PAX8: variants seen among roughly 807,000 people sequenced by gnomAD.
PAX8 encodes paired box protein Pax-8.
PAX8 carries 15 observed loss-of-function variants against 52.4 expected under a neutral mutation model. The observed-to-expected ratio is 0.29, with a 90% confidence interval of 0.19 to 0.44. The LOEUF (loss-of-function observed/expected upper bound fraction) is 0.44. Ranked by LOEUF, PAX8 falls within the 20% of genes least tolerant of loss-of-function variation. The probability of loss-of-function intolerance (pLI) is 1.00; values close to 1 mark genes in which losing one functional copy is unlikely to be tolerated. For synonymous variants in PAX8, 284 were observed against 249.7 expected (o/e 1.14, Z -1.29); for missense variants, 554 against 602.5 (o/e 0.92, Z 0.84).
At chr2:113,242,447 G>A (rs952231957) in intron 5 of PAX8, among the ~76,000 whole-genome samples, 1 of 152,126 alleles carries the variant, frequency 6.6e-6, no homozygotes, top group Admixed American at 6.5e-5. Flanking sequence ...CTGGTGGGAG[G>A]GATTCTTGGA....
chr2:113,278,338 G>T, intron 2 of PAX8, 32 bp downstream of exon 2: 1 of 1,505,894 alleles, frequency 6.6e-7, no homozygotes, highest in Non-Finnish European at 9.2e-7. Context: ...CGGCGCGGGG[G>T]CTCGGGGATC....
At chr2:113,270,616 AAC>A (rs1693403229) in intron 2 of PAX8, 1 of 152,222 alleles carries the variant, frequency 6.6e-6, no homozygotes, top group Admixed American at 6.5e-5. Context: ...TCAAAACTGC[AAC>A]ACACAGAGGG....
At chr2:113,223,751 T>C (rs1689389231) in intron 10 of PAX8, among the ~76,000 whole-genome samples, 1 of 152,266 alleles carries the variant, frequency 6.6e-6, no homozygotes, top group Non-Finnish European at 1.5e-5. Context: ...ATTATGTTCA[T>C]TCATTGACTT....
rs1418319799 is a variant in PAX8 at position 113,252,833 on chromosome 2, C to CA, written c.26-5915dup. On this transcript the variant is annotated intron_variant, in intron 2 of 11. Transcript: ENST00000429538. ...ATACCAGGTCCTTCCCCTAAACGTACAAATGGAATTAAATTAATCTATGTT... is the reference window on the plus strand; with the variant it reads ...ATACCAGGTCCTTCCCCTAAACGTACAAAATGGAATTAAATTAATCTATGTT... 2.8e-4 allele frequency among the ~76,000 whole-genome samples: 43 copies of CA among 152,130 alleles called. 1 individual carries two copies. The highest frequency in any genetic ancestry group is 2.9e-5 in the Non-Finnish European group (2 of 68,028).
chr2:113,244,329 C>T, intron 4 of PAX8, 98 bp downstream of exon 4: 1 of 928,256 alleles, frequency 1.1e-6, no homozygotes, highest in Admixed American at 1.7e-5. Context: ...CCCTTCCCGG[C>T]CTCTGCTCCA....
Position 113,278,408 on chromosome 2 carries a change from C to T in PAX8, c.-14G>A, listed in dbSNP as rs1451794643. On this transcript the variant is annotated 5_prime_UTR_variant, in exon 2 of 12. Transcript: ENST00000429538. The stretch of plus-strand genomic sequence containing the variant: ...GTTGTGAGGCATCGCCGGGGAGTCG[C>T]TCGCAGCCCGCCGAGGGCTCGGGGC... The T allele has an allele frequency of 1.9e-6, 3 of 1,610,734 alleles. No homozygotes were observed. The highest frequency in any genetic ancestry group is 1.7e-5 in the Admixed American group (1 of 59,964).
At position 113,235,586 on chromosome 2, in the gene PAX8, C is replaced by T; in HGVS notation, c.899-4G>A. On this transcript the variant is annotated splice_polypyrimidine_tract_variant and splice_region_variant and intron_variant, in intron 8 of 11. Transcript: ENST00000429538. ...ATGGCGAAGGGTGAGTGAGGATCTGCCGGAGGGAGGGAGACAACAAGGAGA... is the reference window on the plus strand; with the variant it reads ...ATGGCGAAGGGTGAGTGAGGATCTGTCGGAGGGAGGGAGACAACAAGGAGA... 6.2e-7 allele frequency: 1 copy of T among 1,605,008 alleles called. No homozygotes were observed. Among genetic ancestry groups the T allele is most frequent in the Non-Finnish European group, 8.5e-7 (1 of 1,173,994 alleles).
At chr2:113,241,523 G>A in intron 7 of PAX8, 28 bp downstream of exon 7, 3 of 1,581,558 alleles carry the variant, frequency 1.9e-6, no homozygotes, top group South Asian at 2.3e-5. Context: ...TGCCCACCCT[G>A]TTCACCTCCC....
At chr2:113,236,575 T>G (rs756590596) in intron 8 of PAX8, 26 bp downstream of exon 8, 1 of 1,549,988 alleles carries the variant, frequency 6.5e-7, no homozygotes, top group East Asian at 2.4e-5. Flanking sequence ...GCCCTCCACC[T>G]GCCAGGGAGG....
At chr2:113,243,567 T>G (rs2104494459) in intron 4 of PAX8, among the ~76,000 whole-genome samples, 1 of 152,144 alleles carries the variant, frequency 6.6e-6, no homozygotes, top group East Asian at 1.9e-4. Flanking sequence ...AATTTTTGCA[T>G]TTTTAGAAGA....
intron 7 of PAX8, chr2:113,238,184 C>T (rs1167751280): frequency 3.3e-5 from 5 of 151,956 alleles, no homozygotes; most frequent in African/African-American, 1.2e-4. Context: ...ATTCCCCTGC[C>T]TCAGCCTCCC....
At chr2:113,257,594 A>G (rs1356165319) in intron 2 of PAX8, among the ~76,000 whole-genome samples, 1 of 152,188 alleles carries the variant, frequency 6.6e-6, no homozygotes, top group African/African-American at 2.4e-5. Context: ...GGGGAGGGAC[A>G]GGGGAGGGAG....
intron 10 of PAX8, among the ~76,000 whole-genome samples, chr2:113,224,445 G>T (rs1689424441): frequency 6.6e-6 from 1 of 151,662 alleles, no homozygotes; most frequent in Non-Finnish European, 1.5e-5. Flanking sequence ...TAGTGGGGAG[G>T]CTGAGGCAGG....
At chr2:113,250,282 AAAG>A (rs1209313335) in intron 2 of PAX8, among the ~76,000 whole-genome samples, 2 of 151,680 alleles carry the variant, frequency 1.3e-5, no homozygotes, top group African/African-American at 2.4e-5. Flanking sequence ...AAAAAAAAAA[AAAG>A]AAGATAGGGG....
At chr2:113,243,547 A>C (rs1053959281) in intron 4 of PAX8, among the ~76,000 whole-genome samples, 2 of 152,088 alleles carry the variant, frequency 1.3e-5, no homozygotes, top group Non-Finnish European at 2.9e-5. Context: ...ACTCGCCACC[A>C]CACCCAGTTA....
Position 113,227,251 on chromosome 2 carries a change from C to T in PAX8, c.1093G>A (p.Glu365Lys). The T allele has an allele frequency of 6.2e-7, 1 of 1,608,568 alleles. No individual in the cohort carries two copies. The highest frequency in any genetic ancestry group is 1.1e-5 in the South Asian group (1 of 89,856). ...CCGGGCAGCGTGGGCCCCACCATCT[C>T]TCGCCCTGGAAAAATACAGCAAAGA... is the stretch of plus-strand genomic sequence containing the variant. Reference protein sequence around the residue: ...FTGQALLSGREMVGPTLPGYP... With the variant: ...FTGQALLSGRKMVGPTLPGYP... The change falls in exon 10 of 12, where the codon GAG (glutamate) becomes AAG (lysine). Residue 365 changes from glutamate to lysine, a missense_variant. This residue lies in a region of PAX8 where 445 missense variants were observed against 409.9 expected (regional missense o/e 1.09). Coordinates refer to ENST00000429538, the MANE Select transcript of PAX8 (RefSeq NM_003466.4).
At chr2:113,239,100 C>CTTTTTTTTTTTTTTTT (rs1690602065) in intron 7 of PAX8, 1 of 150,088 alleles carries the variant, frequency 6.7e-6, no homozygotes. Context: ...TGGAGCCTCG[C>CTTTTTTTTTTTTTTTT]TCTGTCACCC....
intron 7 of PAX8, chr2:113,241,310 C>G: frequency 1.7e-6 from 1 of 603,968 alleles, no homozygotes; most frequent in South Asian, 1.9e-5. Flanking sequence ...GTGCTGCCAT[C>G]CCTGAAAGGC....
intron 9 of PAX8, among the ~76,000 whole-genome samples, chr2:113,234,269 C>A (rs1690105002): frequency 6.6e-6 from 1 of 152,264 alleles, no homozygotes; most frequent in African/African-American, 2.4e-5. Context: ...CCAACCCAAG[C>A]CAAGCGCTTG....
Sources: gnomAD v4.1 joint callset for allele counts (sites outside exome capture counted in the v4.1 genomes callset) on GRCh38, gnomAD v4.1.1 for gene constraint, gnomAD v4.1.1 regional missense constraint, MANE v1.5 for transcripts, NCBI Gene and HGNC (gene_info 2026-07-23, HGNC 2026-07-21) for gene names.